Variants in ZNF76 observed in about 807,000 individuals in gnomAD.
ZNF76 encodes zinc finger protein 76, also known as zinc finger protein 523.
ZNF76 carries 66 observed loss-of-function variants against 66.9 expected under a neutral mutation model. The ratio of observed to expected loss-of-function variants is 0.99; its 90% confidence interval spans 0.81 to 1.21. The LOEUF (loss-of-function observed/expected upper bound fraction) is 1.21, where lower values mean the gene tolerates loss of function less well. ZNF76 is among the 50% of genes most tolerant of loss of function. The pLI is 0.00. For missense variants in ZNF76, 729 were observed against 760.3 expected (o/e 0.96, Z 0.48); for synonymous variants, 275 against 296.1 (o/e 0.93, Z 0.73).
rs1791079415 is a variant in ZNF76, at chr6:35,295,607, C to T, written c.*359C>T. Reference sequence around the variant, plus strand: ...GATTGGGGCTGCTATGGGGACTGGCCCTGTAGGGTTGAGCCACAGACAGCT... The same window carrying T: ...GATTGGGGCTGCTATGGGGACTGGCTCTGTAGGGTTGAGCCACAGACAGCT... On this transcript the variant is annotated 3_prime_UTR_variant, in exon 14 of 14. Coordinates refer to ENST00000373953, the MANE Select transcript of ZNF76 (RefSeq NM_003427.5). The T allele has an allele frequency of 5.9e-6, 2 of 336,790 alleles. No homozygotes were observed. Among genetic ancestry groups the T allele is most frequent in the Non-Finnish European group, 1.2e-5 (2 of 168,990 alleles). 20.9% of individuals were successfully genotyped at this position (336,790 alleles called of 1,614,324 possible).
chr6:35,281,127 C>A lies in ZNF76; in HGVS notation c.-25C>A, dbSNP rs1412529188. On this transcript the variant is annotated 5_prime_UTR_variant, in exon 2 of 14. In the 5' UTR this introduces an upstream ATG that the reference lacks. Coordinates refer to ENST00000373953, the MANE Select transcript of ZNF76 (RefSeq NM_003427.5). ...TGCTGGCCAGAAGCCAACTTCATGT[C>A]TGAGTGCACGAGCAGCAGTTTGCCA... The A allele has an allele frequency of 6.8e-6, 11 of 1,613,470 alleles. No individual in the cohort carries two copies. Among genetic ancestry groups the A allele is most frequent in the Non-Finnish European group, 8.5e-6 (10 of 1,179,514 alleles).
At chr6:35,273,953 C>A (rs962386815) in intron 1 of ZNF76, among the ~76,000 whole-genome samples, 2 of 152,136 alleles carry the variant, frequency 1.3e-5, no homozygotes, top group African/African-American at 4.8e-5. Context: ...GTTTGTGTTA[C>A]TAATTTCCTG....
intron 1 of ZNF76, among the ~76,000 whole-genome samples, chr6:35,266,038 G>A (rs1020961066): frequency 6.6e-6 from 1 of 152,210 alleles, no homozygotes; most frequent in Non-Finnish European, 1.5e-5. Context: ...TTGAACCCAA[G>A]GTGAAGCAAT....
intron 11 of ZNF76, 41 bp downstream of exon 11, chr6:35,293,085 C>T (rs370264278): frequency 1.1e-5 from 17 of 1,597,054 alleles, no homozygotes; most frequent in Non-Finnish European, 1.5e-5. Context: ...CTAGCTGGCA[C>T]TCTCCACTCT....
In ZNF76 at chr6:35,275,907, T is replaced by C. The variant is rs766599404; in HGVS notation, c.-96-5149T>C. On this transcript the variant is annotated intron_variant, in intron 1 of 13. Transcript: ENST00000373953. ...GGAAGTTAACCCGTATTCAAGTGTTTTGAGTGCTGACGGTGTGCCAGTCAC... is the reference window on the plus strand; with the variant it reads ...GGAAGTTAACCCGTATTCAAGTGTTCTGAGTGCTGACGGTGTGCCAGTCAC... 4.9e-4 allele frequency among the ~76,000 whole-genome samples: 74 copies of C among 152,160 alleles called. 2 individuals are homozygous for C. Among genetic ancestry groups the C allele is most frequent in the Non-Finnish European group, 1.6e-4 (11 of 68,028 alleles).
In ZNF76 at chr6:35,290,355, T is replaced by A; in HGVS notation, c.522T>A (p.Arg174=). Residue 174 remains arginine, a synonymous_variant, in exon 6 of 14, where the codon CGT becomes CGA. Transcript: ENST00000373953. The stretch of plus-strand genomic sequence containing the variant: ...GCTGTGGCTACAAGGGCTGTGGGCG[T>A]CTCTACACCACCGCTCATCACTTAA... ...AFRCGYKGCG[R]LYTTAHHLKV... 6.2e-7 allele frequency: 1 copy of A among 1,614,086 alleles called. No individual in the cohort carries two copies. The highest frequency in any genetic ancestry group is 8.5e-7 in the Non-Finnish European group (1 of 1,179,992).
chr6:35,266,945 T>C (rs545340320), intron 1 of ZNF76, among the ~76,000 whole-genome samples: 163 of 149,190 alleles, frequency 1.1e-3, no homozygotes, highest in African/African-American at 2.8e-3. Flanking sequence ...GGACTACAGG[T>C]GCCCACCACC....
chr6:35,265,352 C>A (rs1026254934), intron 1 of ZNF76, among the ~76,000 whole-genome samples: 7 of 151,774 alleles, frequency 4.6e-5, no homozygotes, highest in Admixed American at 1.3e-4. Flanking sequence ...ACTAAAAATA[C>A]AAAAATTAGC....
chr6:35,264,423 GA>G (rs1242519574), intron 1 of ZNF76, among the ~76,000 whole-genome samples: 1 of 152,172 alleles, frequency 6.6e-6, no homozygotes, highest in Non-Finnish European at 1.5e-5. Context: ...CTGTTCTCAA[GA>G]AAACAGCTAG....
rs538476225 is a variant in ZNF76 at position 35,273,841 on chromosome 6, G to A, written c.-96-7215G>A. Among the ~76,000 whole-genome samples, 7 of 133,548 alleles carry A rather than the reference G, an allele frequency of 5.2e-5. No homozygotes were observed. In the East Asian group the frequency reaches 1.0e-3, roughly 19 times the overall value. The allele number at this position is 133,548 out of a possible 152,430, so 87.6% of individuals were successfully genotyped here. On this transcript the variant is annotated intron_variant, in intron 1 of 13. Coordinates refer to ENST00000373953, the MANE Select transcript of ZNF76 (RefSeq NM_003427.5). ...AAAGTGCTGGGATTTCTTTTAAATG[G>A]CGCTTCTTCTTTTAAAAAGAAGAAA...
At chr6:35,295,000 A>T (rs1790977480) in intron 13 of ZNF76, 144 bp from the exon 14 acceptor site, 1 of 627,602 alleles carries the variant, frequency 1.6e-6, no homozygotes, top group Non-Finnish European at 2.8e-6. Flanking sequence ...CTTCATGTTT[A>T]TTGGAGCCCT....
At chr6:35,268,302 T>C (rs1582039542) in intron 1 of ZNF76, among the ~76,000 whole-genome samples, 1 of 152,196 alleles carries the variant, frequency 6.6e-6, no homozygotes. Flanking sequence ...TGTGGCTGTG[T>C]TTATTCTTGT....
At chr6:35,268,525 C>A (rs183340142) in intron 1 of ZNF76, among the ~76,000 whole-genome samples, 1 of 152,070 alleles carries the variant, frequency 6.6e-6, no homozygotes, top group Non-Finnish European at 1.5e-5. Context: ...GAAACCTGGC[C>A]GGGTGTAGTG....
intron 2 of ZNF76, among the ~76,000 whole-genome samples, chr6:35,282,387 T>G (rs1370121549): frequency 6.6e-6 from 1 of 152,198 alleles, no homozygotes; most frequent in Non-Finnish European, 1.5e-5. Context: ...AAAGTATTGT[T>G]TATCTGAAAT....
intron 12 of ZNF76, 129 bp from the exon 13 acceptor site, chr6:35,294,327 T>C: frequency 1.5e-6 from 1 of 671,446 alleles, no homozygotes; most frequent in Non-Finnish European, 2.6e-6. Context: ...CTAATTAATC[T>C]GACCCATACG....
chr6:35,272,509 G>GTGTA (rs1554188659), intron 1 of ZNF76, among the ~76,000 whole-genome samples: 19 of 112,286 alleles, frequency 1.7e-4, no homozygotes, highest in African/African-American at 5.8e-4. Context: ...GTGTGTGTGT[G>GTGTA]TGTATGTATA....
intron 1 of ZNF76, chr6:35,279,378 C>G (rs1788398707): frequency 2.8e-5 from 1 of 36,172 alleles, no homozygotes; most frequent in African/African-American, 1.1e-4. Flanking sequence ...CATCTCTTGC[C>G]TAAATAGAAT....
chr6:35,290,589 G>C, intron 6 of ZNF76, 52 bp from the exon 7 acceptor site: 1 of 1,602,862 alleles, frequency 6.2e-7, no homozygotes, highest in Non-Finnish European at 8.5e-7. Flanking sequence ...AAACCAAAGA[G>C]CCCTGGTCAT....
At position 35,287,532 on chromosome 6, in the gene ZNF76, A is replaced by C. The variant is rs1298556265; in HGVS notation, c.233-114A>C. The C allele has an allele frequency of 2.1e-6, 2 of 960,690 alleles. No homozygotes were observed. Among genetic ancestry groups the C allele is most frequent in the South Asian group, 3.4e-5 (2 of 58,756 alleles). 59.5% of individuals were successfully genotyped at this position (960,690 alleles called of 1,614,324 possible). On this transcript the variant is annotated intron_variant, in intron 4 of 13. Transcript: ENST00000373953. The surrounding 1 kb of genome is among the most constrained non-coding windows in gnomAD (Gnocchi z 4.0). ...ATCACAAAGTGAAGGGCCATGAGAAATTGGATGTTGAAACCCTCCTTGGTA... is the reference window on the plus strand; with the variant it reads ...ATCACAAAGTGAAGGGCCATGAGAACTTGGATGTTGAAACCCTCCTTGGTA...
Sources: gnomAD v4.1 joint callset for allele counts (sites outside exome capture counted in the v4.1 genomes callset) on GRCh38, gnomAD v4.1.1 for gene constraint, Gnocchi (gnomAD v3.1) non-coding constraint, MANE v1.5 for transcripts, NCBI Gene and HGNC (gene_info 2026-07-23, HGNC 2026-07-21) for gene names.